SLC24A2: variants seen among roughly 807,000 people sequenced by gnomAD.
SLC24A2 encodes the protein sodium/potassium/calcium exchanger 2.
Under a neutral mutation model 62.0 loss-of-function variants are expected in SLC24A2, and 36 were observed. The observed-to-expected ratio is 0.58, with a 90% CI of 0.44 to 0.77. SLC24A2 has a LOEUF of 0.77. Ranked by LOEUF, SLC24A2 falls within the 30% of genes least tolerant of loss-of-function variation. The pLI, the probability that SLC24A2 is intolerant of heterozygous loss-of-function variation, is 0.00. For missense variants in SLC24A2, 846 were observed against 817.9 expected (o/e 1.03, Z -0.42); for synonymous variants, 358 against 294.0 (o/e 1.22, Z -2.23).
chr9:19,580,262 C>T (rs1836162167), intron 5 of SLC24A2, among the ~76,000 whole-genome samples: 1 of 152,218 alleles, frequency 6.6e-6, no homozygotes, highest in African/African-American at 2.4e-5. Context: ...ATCCTAAGCG[C>T]TGACAATGGC....
At chr9:19,920,722 T>C in the SLC24A2 span, among the ~76,000 whole-genome samples, 1 of 152,192 alleles carries the variant, frequency 6.6e-6, no homozygotes, top group Admixed American at 6.5e-5. Context: ...GTGTGACACA[T>C]ATCTACAACT....
the SLC24A2 span, among the ~76,000 whole-genome samples, chr9:19,830,038 C>G: frequency 6.6e-6 from 1 of 151,854 alleles, no homozygotes; most frequent in Admixed American, 6.6e-5. Context: ...CCCTTGGCCA[C>G]CCAAGGGCAA....
At chr9:19,789,472 G>A (rs181709032), upstream of SLC24A2, among the ~76,000 whole-genome samples, 2 of 152,338 alleles carry the variant, frequency 1.3e-5, no homozygotes, top group Non-Finnish European at 2.9e-5. Context: ...AGGCTGTTGG[G>A]GTCCAGGGTT....
chr9:19,831,221 C>A, the SLC24A2 span, among the ~76,000 whole-genome samples: 2 of 152,202 alleles, frequency 1.3e-5, no homozygotes, highest in South Asian at 2.1e-4. Context: ...CCAAGCATAG[C>A]ACTGACTGTA....
At chr9:20,251,515 C>T in the SLC24A2 span, among the ~76,000 whole-genome samples, 15,423 of 152,216 alleles carry the variant, frequency 0.1, 895 homozygotes, top group East Asian at 0.2. Context: ...GCTCAATCTA[C>T]TGACATTAAC....
At chr9:19,769,974 A>T (rs1822636135) in intron 2 of SLC24A2, among the ~76,000 whole-genome samples, 1 of 151,922 alleles carries the variant, frequency 6.6e-6, no homozygotes, top group Non-Finnish European at 1.5e-5. Flanking sequence ...CTGTGCACTT[A>T]CTTTAGTTAC....
At chr9:19,556,027 T>C (rs1355793077) in intron 7 of SLC24A2, among the ~76,000 whole-genome samples, 1 of 152,190 alleles carries the variant, frequency 6.6e-6, no homozygotes, top group Non-Finnish European at 1.5e-5. Context: ...CTAGGACTCT[T>C]ATCAATACCG....
the SLC24A2 span, among the ~76,000 whole-genome samples, chr9:20,149,711 TA>T: frequency 6.6e-6 from 1 of 151,994 alleles, no homozygotes; most frequent in African/African-American, 2.4e-5. Flanking sequence ...TCCAACTATT[TA>T]AAAATGTAAA....
At chr9:19,820,542 A>AAAAT in the SLC24A2 span, among the ~76,000 whole-genome samples, 63 of 151,642 alleles carry the variant, frequency 4.2e-4, no homozygotes, top group Non-Finnish European at 6.0e-4. Context: ...TAAAAAATAA[A>AAAAT]AAATAAATAA....
chr9:19,974,477 C>T, the SLC24A2 span, among the ~76,000 whole-genome samples: 1 of 152,158 alleles, frequency 6.6e-6, no homozygotes, highest in Non-Finnish European at 1.5e-5. Flanking sequence ...ACAGTTTTGC[C>T]TGCTTTTGCC....
intron 2 of SLC24A2, among the ~76,000 whole-genome samples, chr9:19,666,845 G>T (rs1819269120): frequency 6.6e-6 from 1 of 152,076 alleles, no homozygotes; most frequent in Admixed American, 6.5e-5. Context: ...GTGGGACTCT[G>T]TTCTTTGTCT....
the SLC24A2 span, among the ~76,000 whole-genome samples, chr9:20,121,246 C>T: frequency 6.6e-6 from 1 of 151,174 alleles, no homozygotes. Flanking sequence ...TCTTCCAATC[C>T]ATGAACTTTG....
At chr9:19,535,234 T>C (rs758145963) in intron 8 of SLC24A2, among the ~76,000 whole-genome samples, 1 of 152,184 alleles carries the variant, frequency 6.6e-6, no homozygotes, top group African/African-American at 2.4e-5. Flanking sequence ...TTAAGTTCTT[T>C]GAAGATTCTG....
chr9:20,184,700 C>CA, the SLC24A2 span, among the ~76,000 whole-genome samples: 54 of 152,110 alleles, frequency 3.6e-4, no homozygotes, highest in East Asian at 9.3e-3. Flanking sequence ...GGAGGGTCCT[C>CA]AAAAAATCAA....
chr9:19,936,488 G>T, the SLC24A2 span, among the ~76,000 whole-genome samples: 2 of 152,096 alleles, frequency 1.3e-5, no homozygotes, highest in African/African-American at 4.8e-5. Flanking sequence ...TGCCCAGGCT[G>T]TTCTCAAACT....
At chr9:19,763,954 G>T (rs11544863) in intron 2 of SLC24A2, among the ~76,000 whole-genome samples, 2 of 152,096 alleles carry the variant, frequency 1.3e-5, no homozygotes, top group East Asian at 3.9e-4. Context: ...GGCTTTTTTT[G>T]GTTGGCAGGC....
chr9:19,650,391 G>T (rs1344552422), intron 2 of SLC24A2, among the ~76,000 whole-genome samples: 2 of 152,190 alleles, frequency 1.3e-5, no homozygotes, highest in African/African-American at 4.8e-5. Flanking sequence ...GGACACTTAA[G>T]TAGGGATCAC....
the SLC24A2 span, among the ~76,000 whole-genome samples, chr9:20,291,444 A>G: frequency 2.6e-5 from 4 of 152,214 alleles, no homozygotes; most frequent in Non-Finnish European, 4.4e-5. Context: ...TCCATAGTCC[A>G]ATTTGTCTGG....
At chr9:20,201,316 G>A in the SLC24A2 span, among the ~76,000 whole-genome samples, 1 of 152,180 alleles carries the variant, frequency 6.6e-6, no homozygotes, top group Non-Finnish European at 1.5e-5. Context: ...TTGCCAGGGA[G>A]GTAAATAGGT....
Sources: allele counts gnomAD v4.1 joint callset (sites outside exome capture counted in the v4.1 genomes callset), GRCh38; gene constraint gnomAD v4.1.1; transcripts MANE v1.5; gene names NCBI Gene and HGNC (gene_info 2026-07-23, HGNC 2026-07-21).